Variants in CACNA1C observed in about 807,000 individuals in gnomAD.
CACNA1C encodes the protein voltage-dependent L-type calcium channel subunit alpha-1C.
In CACNA1C, 30 loss-of-function variants were observed where a neutral mutation model predicts 229.0. That is an observed-to-expected ratio of 0.13 (90% confidence interval 0.10 to 0.18). The LOEUF is 0.18. CACNA1C is among the 10% of genes least tolerant of loss of function. The pLI, the probability that CACNA1C is intolerant of heterozygous loss-of-function variation, is 1.00. For missense variants in CACNA1C, 1,658 were observed against 2,845.0 expected, an observed-to-expected ratio of 0.58 and a Z score of 9.49; for synonymous variants, 1,114 against 1,132.5, an observed-to-expected ratio of 0.98 and a Z score of 0.33.
At chr12:2,202,925 T>C (rs543139275) in intron 3 of CACNA1C, among the ~76,000 whole-genome samples, 1 of 152,160 alleles carries the variant, frequency 6.6e-6, no homozygotes, top group South Asian at 2.1e-4. Flanking sequence ...CTCTCTTCTC[T>C]ATGAAGAGAT....
chr12:2,035,701 G>T (rs1397135402), intron 1 of CACNA1C, among the ~76,000 whole-genome samples: 1 of 152,168 alleles, frequency 6.6e-6, no homozygotes, highest in Non-Finnish European at 1.5e-5. Flanking sequence ...CCACAAATGC[G>T]ACAGGTGAGG....
intron 1 of CACNA1C, among the ~76,000 whole-genome samples, chr12:2,096,536 T>C (rs2074069804): frequency 6.6e-6 from 1 of 152,246 alleles, no homozygotes; most frequent in Non-Finnish European, 1.5e-5. Flanking sequence ...TCTGAGTCTC[T>C]TTGGCTTTTT....
intron 3 of CACNA1C, among the ~76,000 whole-genome samples, chr12:2,233,183 CATCAT>C (rs1422788906): frequency 6.6e-6 from 1 of 152,206 alleles, no homozygotes; most frequent in African/African-American, 2.4e-5. Flanking sequence ...CTTCCTATCT[CATCAT>C]ATCAGGACCA....
intron 3 of CACNA1C, among the ~76,000 whole-genome samples, chr12:2,379,498 T>C (rs1192809415): frequency 6.6e-6 from 1 of 152,142 alleles, no homozygotes; most frequent in East Asian, 1.9e-4. Flanking sequence ...TGTACAGGAA[T>C]TGGAGGATCT....
intron 3 of CACNA1C, among the ~76,000 whole-genome samples, chr12:2,176,212 A>G (rs2096639897): frequency 6.6e-6 from 1 of 152,064 alleles, no homozygotes; most frequent in Non-Finnish European, 1.5e-5. Flanking sequence ...AAGGTGAGAA[A>G]TTGCTGGAGA....
At chr12:2,586,800 G>T (rs533190989) in intron 18 of CACNA1C, among the ~76,000 whole-genome samples, 2 of 152,138 alleles carry the variant, frequency 1.3e-5, no homozygotes, top group Non-Finnish European at 2.9e-5. Context: ...GACTCCCTGT[G>T]GTCACACCAT....
intron 3 of CACNA1C, among the ~76,000 whole-genome samples, chr12:2,241,240 A>G (rs1030526489): frequency 2.0e-5 from 3 of 152,142 alleles, no homozygotes; most frequent in Non-Finnish European, 2.9e-5. Context: ...GTATTGTCAC[A>G]TAGATGATGT....
chr12:2,116,561 G>T (rs946465716), intron 2 of CACNA1C, among the ~76,000 whole-genome samples: 1 of 152,084 alleles, frequency 6.6e-6, no homozygotes, highest in Non-Finnish European at 1.5e-5. Flanking sequence ...TAGAAACGGG[G>T]TTTCACCGTG....
intron 1 of CACNA1C, among the ~76,000 whole-genome samples, chr12:2,056,438 A>T (rs1205985786): frequency 6.6e-6 from 1 of 152,176 alleles, no homozygotes; most frequent in Non-Finnish European, 1.5e-5. Flanking sequence ...CAGCTAGCAA[A>T]TGAGTGTCTT....
intron 3 of CACNA1C, among the ~76,000 whole-genome samples, chr12:2,163,881 C>T (rs756396799): frequency 1.4e-4 from 22 of 152,190 alleles, no homozygotes; most frequent in Admixed American, 4.6e-4. Flanking sequence ...GCTGGCTTCT[C>T]GGGCTCTGGG....
intron 1 of CACNA1C, among the ~76,000 whole-genome samples, chr12:2,015,978 G>A (rs1486524836): frequency 2.0e-5 from 3 of 152,174 alleles, no homozygotes; most frequent in Non-Finnish European, 4.4e-5. Flanking sequence ...TTTGTTATTT[G>A]GTAATGACAG....
intron 3 of CACNA1C, among the ~76,000 whole-genome samples, chr12:2,232,778 T>G (rs535108063): frequency 6.6e-6 from 1 of 152,304 alleles, no homozygotes; most frequent in East Asian, 1.9e-4. Context: ...ATTTATTTAT[T>G]TAGTCATTAA....
chr12:2,667,787 G>A (rs11062301), intron 37 of CACNA1C, among the ~76,000 whole-genome samples: 15,855 of 152,128 alleles, frequency 0.1, 993 homozygotes, highest in Middle Eastern at 0.19. Context: ...TCAAGATCTG[G>A]TCACTCAGGA....
intron 42 of CACNA1C, 98 bp from the exon 43 acceptor site, chr12:2,682,452 A>T (rs1312885791): frequency 2.7e-5 from 39 of 1,427,316 alleles, no homozygotes; most frequent in Non-Finnish European, 3.6e-5. Flanking sequence ...GCACGTGTGT[A>T]CACCTGCATG....
intron 15 of CACNA1C, among the ~76,000 whole-genome samples, chr12:2,583,500 G>A (rs1012584865): frequency 3.3e-5 from 5 of 152,240 alleles, no homozygotes; most frequent in African/African-American, 2.4e-5. Flanking sequence ...AGCCACGGGT[G>A]CTGCTTCTCT....
intron 29 of CACNA1C, among the ~76,000 whole-genome samples, chr12:2,616,384 A>G (rs1452810796): frequency 2.0e-5 from 3 of 152,158 alleles, no homozygotes; most frequent in Non-Finnish European, 2.9e-5. Context: ...TGACGCATAT[A>G]TAGTGGAGCC....
intron 1 of CACNA1C, among the ~76,000 whole-genome samples, chr12:2,009,645 CT>C: frequency 6.6e-6 from 1 of 152,232 alleles, no homozygotes; most frequent in Non-Finnish European, 1.5e-5. Context: ...ATGAGTTGCC[CT>C]TTTTTTGCTA....
chr12:2,664,999 AG>A lies in CACNA1C; in HGVS notation c.4398+14del. On this transcript the variant is annotated intron_variant, in intron 35 of 46. Transcript: ENST00000399655. The stretch of plus-strand genomic sequence containing the variant: ...TGCTCTGTGCCTTCCTGGTAAGCCA[AG>A]GGGGAACTCAACAGCCAGCAGCCAT... 6.2e-7 allele frequency: 1 copy of A among 1,613,850 alleles called. No individual in the cohort carries two copies. The highest frequency in any genetic ancestry group is 1.1e-5 in the South Asian group (1 of 91,072).
intron 3 of CACNA1C, among the ~76,000 whole-genome samples, chr12:2,413,046 C>T (rs1163401506): frequency 1.3e-5 from 2 of 152,214 alleles, no homozygotes; most frequent in Non-Finnish European, 2.9e-5. Context: ...GAGAAGGAGT[C>T]TCGCTCTGTC....
Sources: gnomAD v4.1 joint callset for allele counts (sites outside exome capture counted in the v4.1 genomes callset) on GRCh38, gnomAD v4.1.1 for gene constraint, MANE v1.5 for transcripts, NCBI Gene and HGNC (gene_info 2026-07-23, HGNC 2026-07-21) for gene names.